Variants in FAM78B observed in about 807,000 individuals in gnomAD.
FAM78B encodes the protein family with sequence similarity 78 member B, also known as protein FAM78B.
A neutral mutation model predicts 20.0 loss-of-function variants in FAM78B; 10 were observed. That is an observed-to-expected ratio of 0.50 (90% CI 0.31 to 0.85). The LOEUF is 0.85. FAM78B is among the 40% of genes least tolerant of loss of function. The pLI, the probability that FAM78B is intolerant of heterozygous loss-of-function variation, is 0.05. For synonymous variants in FAM78B, 135 were observed against 132.8 expected, an observed-to-expected ratio of 1.02 and a Z score of -0.12; for missense variants, 283 against 345.0, an observed-to-expected ratio of 0.82 and a Z score of 1.42.
At position 166,163,839 on chromosome 1, in the gene FAM78B, T is replaced by C. The variant is rs541233120; in HGVS notation, c.263+2147A>G. On this transcript the variant is annotated intron_variant, in intron 1 of 1. Transcript: ENST00000354422. ...CTATAATAATATGCTTTATGATTTA[T>C]TGGGGGTCTATTTTTGCTCTCCTAC... 5.3e-5 allele frequency among the ~76,000 whole-genome samples: 8 copies of C among 152,304 alleles called. No individual in the cohort carries two copies. In the East Asian group the frequency reaches 1.4e-3, roughly 26 times the overall value.
At chr1:166,056,078 G>A (rs551850211), downstream of FAM78B, among the ~76,000 whole-genome samples, 17 of 152,300 alleles carry the variant, frequency 1.1e-4, no homozygotes, top group East Asian at 3.1e-3. Flanking sequence ...TTGAGCATGT[G>A]CTGCTCAGGC....
At chr1:166,100,650 C>T (rs1044333508) in intron 1 of FAM78B, among the ~76,000 whole-genome samples, 11 of 152,322 alleles carry the variant, frequency 7.2e-5, no homozygotes, top group African/African-American at 2.4e-4. Flanking sequence ...GGGGGAGGGG[C>T]GCCTGCCATT....
At chr1:166,102,449 T>C (rs1217407572) in intron 1 of FAM78B, among the ~76,000 whole-genome samples, 1 of 152,130 alleles carries the variant, frequency 6.6e-6, no homozygotes, top group South Asian at 2.1e-4. Flanking sequence ...CAGTGTGCTG[T>C]ATTCAGGAAA....
At chr1:166,149,411 G>A (rs1655594992) in intron 1 of FAM78B, among the ~76,000 whole-genome samples, 1 of 152,180 alleles carries the variant, frequency 6.6e-6, no homozygotes, top group Non-Finnish European at 1.5e-5. Context: ...CACCTGTAAA[G>A]TCAAGGAAGA....
At chr1:166,130,305 T>G (rs1318970875) in intron 1 of FAM78B, among the ~76,000 whole-genome samples, 1 of 152,230 alleles carries the variant, frequency 6.6e-6, no homozygotes, top group Admixed American at 6.5e-5. Flanking sequence ...CATAGGGATG[T>G]GGATAGAATA....
Position 166,081,737 on chromosome 1 carries a change from G to T in FAM78B, c.264-10974C>A, listed in dbSNP as rs544213145. 1.3e-4 allele frequency among the ~76,000 whole-genome samples: 20 copies of T among 152,280 alleles called. No homozygotes were observed. The South Asian group carries it at 4.2e-3, about 32-fold the overall frequency. ...CCTGCTTATGCCAGGCTCTGGGGGTGCCAAGAGGAAGCAGAGGAAACTGGG... is the reference window on the plus strand; with the variant it reads ...CCTGCTTATGCCAGGCTCTGGGGGTTCCAAGAGGAAGCAGAGGAAACTGGG... On this transcript the variant is annotated intron_variant, in intron 1 of 1. Coordinates refer to ENST00000354422, the MANE Select transcript of FAM78B (RefSeq NM_001017961.5).
In FAM78B at chr1:166,077,842, T is replaced by C. The variant is rs1318757232; in HGVS notation, c.264-7079A>G. Among the ~76,000 whole-genome samples, 18 of 124,808 alleles carry C rather than the reference T, an allele frequency of 1.4e-4. 1 individual carries two copies. The highest frequency in any genetic ancestry group is 9.4e-4 in the Admixed American group (10 of 10,650). 81.9% of individuals were successfully genotyped at this position (124,808 alleles called of 152,430 possible). On this transcript the variant is annotated intron_variant, in intron 1 of 1. Transcript: ENST00000354422. ...TATATATAAATATATATAATTTATA[T>C]ATATAATAATATATATAATTTATAT...
chr1:166,085,544 T>C (rs1187318976), intron 1 of FAM78B, among the ~76,000 whole-genome samples: 1 of 152,172 alleles, frequency 6.6e-6, no homozygotes, highest in Non-Finnish European at 1.5e-5. Flanking sequence ...TTCTCCAAGA[T>C]CAATCAGGAG....
chr1:166,143,171 A>G (rs1655339091), intron 1 of FAM78B, among the ~76,000 whole-genome samples: 1 of 152,210 alleles, frequency 6.6e-6, no homozygotes, highest in Non-Finnish European at 1.5e-5. Flanking sequence ...AAAACATAAA[A>G]TATTTGCAAA....
intron 1 of FAM78B, among the ~76,000 whole-genome samples, chr1:166,156,796 C>A (rs371602519): frequency 6.6e-6 from 1 of 152,066 alleles, no homozygotes; most frequent in East Asian, 1.9e-4. Context: ...TCCAGCATCA[C>A]CCCACCCTCA....
At chr1:166,140,286 G>C (rs1346937646) in intron 1 of FAM78B, among the ~76,000 whole-genome samples, 5 of 152,216 alleles carry the variant, frequency 3.3e-5, no homozygotes, top group Admixed American at 6.5e-5. Context: ...TGACTTGCCA[G>C]AAAAAGTGAG....
intron 1 of FAM78B, among the ~76,000 whole-genome samples, chr1:166,095,907 T>G (rs1653258423): frequency 6.6e-6 from 1 of 151,590 alleles, no homozygotes; most frequent in African/African-American, 2.4e-5. Context: ...ACAGAGAAAA[T>G]CAAATACTAA....
intron 1 of FAM78B, among the ~76,000 whole-genome samples, chr1:166,162,689 G>T (rs1032802329): frequency 6.6e-6 from 1 of 152,136 alleles, no homozygotes; most frequent in African/African-American, 2.4e-5. Flanking sequence ...TCCTCTGTCT[G>T]GTCAAGATCT....
At chr1:166,097,779 A>T (rs1653344940) in intron 1 of FAM78B, among the ~76,000 whole-genome samples, 1 of 151,712 alleles carries the variant, frequency 6.6e-6, no homozygotes, top group South Asian at 2.1e-4. Context: ...CCCCCACCTG[A>T]TGGTCCTTCC....
chr1:166,060,636 C>CT, exon 3 of FAM78B: 2 of 1,288,932 alleles, frequency 1.6e-6, no homozygotes, highest in South Asian at 2.5e-5. Flanking sequence ...GTTGTGCTTG[C>CT]TGGGCTTTCC....
chr1:166,142,630 G>A lies in FAM78B; in HGVS notation c.263+23356C>T, dbSNP rs560854127. The stretch of plus-strand genomic sequence containing the variant: ...ATCATTTTCATTACTTCAGGTTTGG[G>A]TATAATCTTTATCTCTTCAACCAAA... On this transcript the variant is annotated intron_variant, in intron 1 of 1. Coordinates refer to ENST00000354422, the MANE Select transcript of FAM78B (RefSeq NM_001017961.5). Among the ~76,000 whole-genome samples the A allele has an allele frequency of 4.6e-5, 7 of 152,340 alleles. No individual in the cohort carries two copies. In the South Asian group the frequency reaches 1.0e-3, roughly 23 times the overall value.
At chr1:166,124,317 C>A (rs891001512) in intron 1 of FAM78B, among the ~76,000 whole-genome samples, 14 of 152,224 alleles carry the variant, frequency 9.2e-5, no homozygotes, top group Admixed American at 1.3e-4. Flanking sequence ...GGGCTCTCAG[C>A]ACACCTGTGT....
At chr1:166,140,688 G>T (rs980545003) in intron 1 of FAM78B, among the ~76,000 whole-genome samples, 3 of 152,204 alleles carry the variant, frequency 2.0e-5, no homozygotes, top group African/African-American at 7.2e-5. Flanking sequence ...CTAGAAAATA[G>T]TGTGGTTTGT....
At chr1:166,125,295 T>A (rs750986085) in intron 1 of FAM78B, among the ~76,000 whole-genome samples, 3 of 152,170 alleles carry the variant, frequency 2.0e-5, no homozygotes, top group Non-Finnish European at 4.4e-5. Flanking sequence ...CTGACTCGGT[T>A]TCTCCAGTTG....
Sources: allele counts gnomAD v4.1 joint callset (sites outside exome capture counted in the v4.1 genomes callset), GRCh38; gene constraint gnomAD v4.1.1; transcripts MANE v1.5; gene names NCBI Gene and HGNC (gene_info 2026-07-23, HGNC 2026-07-21).